The following EYS variants were observed in gnomAD, a reference collection of about 807,000 sequenced individuals.
The protein encoded by EYS is protein eyes shut homolog.
In EYS, 250 loss-of-function variants were observed where a neutral mutation model predicts 282.1. That is an observed-to-expected ratio of 0.89 (90% CI 0.80 to 0.98). The LOEUF (loss-of-function observed/expected upper bound fraction) is 0.98, where lower values mean the gene tolerates loss of function less well. Ranked by LOEUF, EYS falls within the 50% of genes least tolerant of loss-of-function variation. The pLI is 0.00. For synonymous variants in EYS, 1,355 were observed against 1,282.9 expected, an observed-to-expected ratio of 1.06 and a Z score of -1.20; for missense variants, 4,016 against 3,709.0, an observed-to-expected ratio of 1.08 and a Z score of -2.15.
chr6:65,355,708 C>A (rs1396618882), intron 8 of EYS, among the ~76,000 whole-genome samples: 1 of 151,966 alleles, frequency 6.6e-6, no homozygotes, highest in East Asian at 1.9e-4. Flanking sequence ...ATACAAATAG[C>A]CAGCCCACAT....
intron 40 of EYS, among the ~76,000 whole-genome samples, chr6:63,769,658 C>G (rs1280092913): frequency 6.6e-6 from 1 of 152,006 alleles, no homozygotes; most frequent in Non-Finnish European, 1.5e-5. Flanking sequence ...TATGTTCTTA[C>G]TAATATAGTT....
intron 5 of EYS, among the ~76,000 whole-genome samples, chr6:65,457,973 T>C (rs1764689413): frequency 6.6e-6 from 1 of 152,166 alleles, no homozygotes; most frequent in Non-Finnish European, 1.5e-5. Flanking sequence ...TTCTTAATCA[T>C]ATCCAGGGAG....
chr6:64,262,169 T>C (rs1397368372), intron 30 of EYS, among the ~76,000 whole-genome samples: 1 of 152,076 alleles, frequency 6.6e-6, no homozygotes, highest in Non-Finnish European at 1.5e-5. Context: ...ATTTCAGAAG[T>C]GATTTTGTCA....
At chr6:65,053,148 C>T (rs889906365) in intron 13 of EYS, among the ~76,000 whole-genome samples, 2 of 151,706 alleles carry the variant, frequency 1.3e-5, no homozygotes, top group Admixed American at 1.3e-4. Flanking sequence ...ATCACAATTC[C>T]CTTTTCGGAC....
At chr6:65,276,300 A>G (rs1195097899) in intron 12 of EYS, among the ~76,000 whole-genome samples, 1 of 152,122 alleles carries the variant, frequency 6.6e-6, no homozygotes, top group African/African-American at 2.4e-5. Flanking sequence ...TAGAAGTAGC[A>G]CCATTATTCC....
intron 29 of EYS, among the ~76,000 whole-genome samples, chr6:64,345,401 T>G: frequency 6.6e-6 from 1 of 151,966 alleles, no homozygotes; most frequent in Non-Finnish European, 1.5e-5. Context: ...ATGCTGCATA[T>G]CTACAACTAT....
At chr6:64,529,844 A>G (rs564042287) in intron 26 of EYS, among the ~76,000 whole-genome samples, 124 of 152,180 alleles carry the variant, frequency 8.1e-4, no homozygotes, top group African/African-American at 2.9e-3. Flanking sequence ...TAAAGTTTTG[A>G]AATGTATGAA....
intron 1 of EYS, among the ~76,000 whole-genome samples, chr6:65,648,086 A>G (rs1205112431): frequency 6.6e-6 from 1 of 152,336 alleles, no homozygotes; most frequent in Non-Finnish European, 1.5e-5. Context: ...GTGGGAATGT[A>G]AACTAATACG....
At chr6:65,190,505 C>T (rs56219837) in intron 12 of EYS, among the ~76,000 whole-genome samples, 24,197 of 151,124 alleles carry the variant, frequency 0.16, 2,076 homozygotes, top group Non-Finnish European at 0.18. Context: ...CTGTGTCTGA[C>T]GAATAAGTTG....
At chr6:64,192,094 T>A (rs1765131914) in intron 31 of EYS, among the ~76,000 whole-genome samples, 1 of 145,010 alleles carries the variant, frequency 6.9e-6, no homozygotes, top group Non-Finnish European at 1.5e-5. Context: ...GGTAAGCATT[T>A]TTTCATGTGT....
intron 22 of EYS, among the ~76,000 whole-genome samples, chr6:64,659,418 A>C (rs1299754845): frequency 1.3e-5 from 2 of 152,132 alleles, no homozygotes; most frequent in Non-Finnish European, 2.9e-5. Flanking sequence ...AGACACAAAA[A>C]ACCCTTCAAA....
rs377622225 is a variant in EYS at position 65,438,339 on chromosome 6, C to A, written c.863-32972G>T. Among the ~76,000 whole-genome samples the A allele has an allele frequency of 4.6e-5, 7 of 152,122 alleles. No individual in the cohort carries two copies. The East Asian group carries it at 1.4e-3, about 29-fold the overall frequency. ...CATACGTGTGCATGTGTCTTTATAG[C>A]AGCATGATTTATAATCCTTTGGGTA... On this transcript the variant is annotated intron_variant, in intron 5 of 42. Transcript: ENST00000503581.
intron 26 of EYS, among the ~76,000 whole-genome samples, chr6:64,582,791 C>T (rs1766116150): frequency 6.6e-6 from 1 of 152,024 alleles, no homozygotes; most frequent in South Asian, 2.1e-4. Flanking sequence ...GAATGAAATG[C>T]AAATAATGAA....
chr6:64,219,473 G>A (rs544766940), intron 31 of EYS, among the ~76,000 whole-genome samples: 2 of 152,266 alleles, frequency 1.3e-5, no homozygotes, highest in East Asian at 3.9e-4. Context: ...CAATATAGAT[G>A]ACATTATTTT....
intron 2 of EYS, among the ~76,000 whole-genome samples, chr6:65,585,098 A>G (rs2127363501): frequency 6.6e-6 from 1 of 151,980 alleles, no homozygotes; most frequent in East Asian, 1.9e-4. Context: ...TACTAAGACC[A>G]CCAGGAAAAT....
intron 15 of EYS, among the ~76,000 whole-genome samples, chr6:64,936,471 AC>A (rs901765461): frequency 5.9e-4 from 89 of 151,620 alleles, no homozygotes; most frequent in Admixed American, 4.1e-3. Context: ...ACAGAAAAAA[AC>A]GTATCAATAT....
chr6:64,980,225 C>T (rs567200936), intron 14 of EYS, among the ~76,000 whole-genome samples: 40 of 151,442 alleles, frequency 2.6e-4, no homozygotes, highest in Non-Finnish European at 5.3e-4. Flanking sequence ...CAATAATGTA[C>T]AATCATTATG....
At chr6:63,904,774 T>C (rs1038075884) in intron 35 of EYS, among the ~76,000 whole-genome samples, 4 of 152,212 alleles carry the variant, frequency 2.6e-5, no homozygotes, top group African/African-American at 7.2e-5. Flanking sequence ...CTGAATTATT[T>C]TTCTTAGAAG....
At chr6:65,334,877 T>C (rs1399372527) in intron 11 of EYS, 103 bp downstream of exon 11, 2 of 1,094,130 alleles carry the variant, frequency 1.8e-6, no homozygotes, top group African/African-American at 3.1e-5. Flanking sequence ...TCCAATCATT[T>C]TAATCAACAA....
Sources: gnomAD v4.1 joint callset for allele counts (sites outside exome capture counted in the v4.1 genomes callset) on GRCh38, gnomAD v4.1.1 for gene constraint, MANE v1.5 for transcripts, NCBI Gene and HGNC (gene_info 2026-07-23, HGNC 2026-07-21) for gene names.